Variants in PARG observed in about 807,000 individuals in gnomAD.
PARG encodes mitochondrial poly(ADP-ribose) glycohydrolase.
PARG carries 35 observed loss-of-function variants against 113.0 expected under a neutral mutation model. That is an observed-to-expected ratio of 0.31 (90% CI 0.24 to 0.41). PARG has a LOEUF of 0.41. PARG is among the 10% of genes least tolerant of loss of function. The pLI is 1.00. For missense variants in PARG, 797 were observed against 1,169.4 expected, an observed-to-expected ratio of 0.68 and a Z score of 4.64; for synonymous variants, 330 against 409.9, an observed-to-expected ratio of 0.81 and a Z score of 2.36.
intron 6 of PARG, among the ~76,000 whole-genome samples, chr10:49,919,764 C>T (rs1439895501): frequency 6.6e-6 from 1 of 152,114 alleles, no homozygotes; most frequent in Non-Finnish European, 1.5e-5. Context: ...AGATTTTTTT[C>T]CAGCTACTCA....
intron 7 of PARG, among the ~76,000 whole-genome samples, chr10:49,913,696 A>T (rs1376736100): frequency 6.6e-6 from 1 of 152,100 alleles, no homozygotes; most frequent in African/African-American, 2.4e-5. Context: ...TAAGGTCAGG[A>T]ATTTGGGACC....
chr10:49,873,560 T>C (rs1273705102), intron 9 of PARG, among the ~76,000 whole-genome samples: 2 of 147,220 alleles, frequency 1.4e-5, no homozygotes, highest in African/African-American at 5.0e-5. Flanking sequence ...CCCTGAACCT[T>C]ATCAGTAGAG....
chr10:49,885,058 T>C, intron 8 of PARG, 145 bp downstream of exon 8: 2 of 685,982 alleles, frequency 2.9e-6, no homozygotes, highest in Non-Finnish European at 5.4e-6. Context: ...TCCCATTTCT[T>C]CTCTTCTCTT....
chr10:49,916,084 T>C (rs550513505), intron 6 of PARG, 93 bp from the exon 7 acceptor site: 84 of 727,416 alleles, frequency 1.2e-4, no homozygotes, highest in Non-Finnish European at 2.0e-4. Flanking sequence ...TCCAGTACAT[T>C]TCATAATGTT....
intron 7 of PARG, among the ~76,000 whole-genome samples, chr10:49,890,882 A>G (rs1232867587): frequency 1.3e-5 from 2 of 152,272 alleles, no homozygotes; most frequent in African/African-American, 4.8e-5. Flanking sequence ...TGACATATGG[A>G]AAGTATTAAA....
intron 16 of PARG, among the ~76,000 whole-genome samples, chr10:49,825,768 T>C (rs1217783465): frequency 6.6e-6 from 1 of 152,152 alleles, no homozygotes; most frequent in Non-Finnish European, 1.5e-5. Context: ...AATGGAAGGG[T>C]AACTGTGCAA....
intron 7 of PARG, among the ~76,000 whole-genome samples, chr10:49,887,314 A>G (rs1847543402): frequency 6.6e-6 from 1 of 152,330 alleles, no homozygotes; most frequent in African/African-American, 2.4e-5. Flanking sequence ...TTACTATAAC[A>G]TACTAAAAAC....
At chr10:49,891,608 TATATATATATA>T (rs1419617924) in intron 7 of PARG, among the ~76,000 whole-genome samples, 3 of 46,212 alleles carry the variant, frequency 6.5e-5, no homozygotes, top group African/African-American at 3.9e-4. Context: ...TATATATATA[TATATATATATA>T]TATATTTTTT....
chr10:49,883,917 G>A (rs1471894199), intron 8 of PARG, among the ~76,000 whole-genome samples: 7 of 150,730 alleles, frequency 4.6e-5, no homozygotes, highest in Non-Finnish European at 5.9e-5. Context: ...GAGAAAAATA[G>A]GTCATAGAAG....
rs1838588931 is a variant in PARG, at chr10:49,933,478, G to C, written c.970C>G (p.Pro324Ala). The part of the protein sequence containing the change: ...QDSEADEETS[P>A]GFDEQEDGSS... ...CCATCTTCTTGTTCATCAAAACCTG[G>C]ACTTGTCTCCTCATCTGCTTCTGAG... The change falls in exon 3 of 18, where the codon CCA becomes GCA. Residue 324 changes from proline (P) to alanine (A), a missense_variant. Around this residue, in one of 5 missense-constraint regions of PARG, gnomAD observed 252 missense variants for 437.4 expected, o/e 0.58. Transcript: ENST00000616448. 1.9e-6 allele frequency: 3 copies of C among 1,610,444 alleles called. No individual in the cohort carries two copies. The highest frequency in any genetic ancestry group is 2.5e-6 in the Non-Finnish European group (3 of 1,176,800).
At chr10:49,920,986 G>C (rs1174374474) in intron 6 of PARG, among the ~76,000 whole-genome samples, 3 of 152,150 alleles carry the variant, frequency 2.0e-5, no homozygotes, top group Non-Finnish European at 4.4e-5. Context: ...CAGCTGCAGA[G>C]AGCAGACTGC....
chr10:49,831,993 G>A (rs920777841), intron 16 of PARG, among the ~76,000 whole-genome samples: 71 of 152,208 alleles, frequency 4.7e-4, no homozygotes, highest in African/African-American at 1.5e-3. Flanking sequence ...ATTACTCCAG[G>A]TAGTCAGTGT....
Position 49,942,017 on chromosome 10 carries a change from G to T in PARG, c.-292C>A. On this transcript the variant is annotated 5_prime_UTR_variant, in exon 1 of 18. Coordinates refer to ENST00000616448, the MANE Select transcript of PARG (RefSeq NM_003631.5). Reference sequence around the variant, plus strand: ...TGCCGTCAGGCGCTTCCGGCTTCCGGGGCGCACACTGCCGCAAAGCGGAAG... The same window carrying T: ...TGCCGTCAGGCGCTTCCGGCTTCCGTGGCGCACACTGCCGCAAAGCGGAAG... The T allele has an allele frequency of 9.9e-7, 1 of 1,013,684 alleles. No individual in the cohort carries two copies. Among genetic ancestry groups the T allele is most frequent in the Non-Finnish European group, 1.4e-6 (1 of 693,364 alleles). The allele number at this position is 1,013,684 out of a possible 1,614,324, so 62.8% of individuals were successfully genotyped here. A position where few individuals can be genotyped will look rare whatever the true frequency, so the allele number is the denominator to read the frequency against.
At chr10:49,890,821 G>A (rs1345069287) in intron 7 of PARG, among the ~76,000 whole-genome samples, 1 of 152,078 alleles carries the variant, frequency 6.6e-6, no homozygotes. Flanking sequence ...TCTGTTAAAT[G>A]TGCTCTAATA....
Position 49,941,552 on chromosome 10 carries a change from G to A in PARG, c.174C>T (p.Val58=). 5.8e-6 allele frequency: 9 copies of A among 1,559,220 alleles called. No individual in the cohort carries two copies. The highest frequency in any genetic ancestry group is 7.8e-6 in the Non-Finnish European group (9 of 1,151,874). The change falls in exon 1 of 18, where the codon GTC becomes GTT. Residue 58 remains valine (V), a synonymous_variant. Coordinates refer to ENST00000616448, the MANE Select transcript of PARG (RefSeq NM_003631.5). ...CTCTGTGCTGTCCCGCCCGCCCTGG[G>A]ACGCAGGCTGGCGAGGACGGTGGGA... ...FRVPPSSPAC[V]PGRAGQHRGS...
rs1441360331 is a variant in PARG, at chr10:49,941,491, T to C, written c.217+18A>G. Reference sequence around the variant, plus strand: ...TCGGGCCGAGGCGAAGGACAAAGATTTTTATTTTCCCACGTACCAAGCGAG... The same window carrying C: ...TCGGGCCGAGGCGAAGGACAAAGATCTTTATTTTCCCACGTACCAAGCGAG... On this transcript the variant is annotated intron_variant, in intron 1 of 17. Transcript: ENST00000616448. 1 of 1,530,446 alleles carries C rather than the reference T, an allele frequency of 6.5e-7. No individual in the cohort carries two copies. The highest frequency in any genetic ancestry group is 1.4e-5 in the African/African-American group (1 of 72,708). 94.8% of individuals were successfully genotyped at this position (1,530,446 alleles called of 1,614,324 possible). A position where few individuals can be genotyped will look rare whatever the true frequency, so the allele number is the denominator to read the frequency against.
At chr10:49,862,827 T>C (rs1296598371) in intron 11 of PARG, among the ~76,000 whole-genome samples, 1 of 151,954 alleles carries the variant, frequency 6.6e-6, no homozygotes, top group African/African-American at 2.4e-5. Flanking sequence ...GTAAGTTTGA[T>C]ATATTTTTTT....
chr10:49,911,393 A>T (rs1200472489), intron 7 of PARG, among the ~76,000 whole-genome samples: 2 of 152,174 alleles, frequency 1.3e-5, no homozygotes, highest in Non-Finnish European at 2.9e-5. Context: ...AAATGCCAGG[A>T]GTAAGTATAT....
chr10:49,886,246 C>T (rs1847472027), intron 7 of PARG, among the ~76,000 whole-genome samples: 1 of 152,206 alleles, frequency 6.6e-6, no homozygotes, highest in South Asian at 2.1e-4. Flanking sequence ...TCCTACTTCC[C>T]TATGTGACCA....
Sources: allele counts gnomAD v4.1 joint callset (sites outside exome capture counted in the v4.1 genomes callset), GRCh38; gene constraint gnomAD v4.1.1; regional missense constraint gnomAD v4.1.1; transcripts MANE v1.5; gene names NCBI Gene and HGNC (gene_info 2026-07-23, HGNC 2026-07-21).